Variants in BMPR1A observed in about 807,000 individuals in gnomAD.
BMPR1A encodes bone morphogenetic protein receptor type 1A, also known as bone morphogenetic protein receptor type-1A.
BMPR1A carries 7 observed loss-of-function variants against 66.0 expected under a neutral mutation model. The ratio of observed to expected loss-of-function variants is 0.11; its 90% CI spans 0.06 to 0.20. BMPR1A has a LOEUF of 0.20. Among genes scored for constraint, BMPR1A ranks in the 10% least tolerant of loss-of-function variants. The pLI, the probability that BMPR1A is intolerant of heterozygous loss-of-function variation, is 1.00. For synonymous variants in BMPR1A, 200 were observed against 229.7 expected (o/e 0.87, Z 1.17); for missense variants, 408 against 669.1 (o/e 0.61, Z 4.31).
In BMPR1A at chr10:86,847,554, A is replaced by T. The variant is rs975754868; in HGVS notation, c.-153+8575A>T. ...TAAAATGATCTTTTTTTTATTTTTA[A>T]AAGATTATATATTGGCCAGGCACGG... On this transcript the variant is annotated intron_variant, in intron 2 of 12. Coordinates refer to ENST00000372037, the MANE Select transcript of BMPR1A (RefSeq NM_004329.3). Among the ~76,000 whole-genome samples, 8 of 151,374 alleles carry T rather than the reference A, an allele frequency of 5.3e-5. No individual in the cohort carries two copies. The East Asian group carries it at 1.6e-3, about 30-fold the overall frequency.
intron 1 of BMPR1A, among the ~76,000 whole-genome samples, chr10:86,781,102 C>T (rs943557337): frequency 2.0e-5 from 3 of 152,140 alleles, no homozygotes; most frequent in African/African-American, 7.2e-5. Flanking sequence ...GATCCGCCCG[C>T]CTTGGCCTCG....
At chr10:86,791,247 CTG>C (rs1412192687) in intron 1 of BMPR1A, among the ~76,000 whole-genome samples, 1 of 150,128 alleles carries the variant, frequency 6.7e-6, no homozygotes, top group Non-Finnish European at 1.5e-5. Flanking sequence ...AAGTCTCGCT[CTG>C]TTTCCCAGGC....
chr10:86,768,852 GATA>G (rs1841206753), intron 1 of BMPR1A, among the ~76,000 whole-genome samples: 1 of 152,168 alleles, frequency 6.6e-6, no homozygotes, highest in Non-Finnish European at 1.5e-5. Context: ...GTGAAACAAG[GATA>G]ATAATGGTCC....
Position 86,921,675 on chromosome 10 carries a change from C to T in BMPR1A, c.1322C>T (p.Ala441Val), listed in dbSNP as rs1564725059. 2 of 1,614,216 alleles carry T rather than the reference C, an allele frequency of 1.2e-6. No individual in the cohort carries two copies. Among genetic ancestry groups the T allele is most frequent in the Non-Finnish European group, 1.7e-6 (2 of 1,180,038 alleles). ...YSFGLIIWEM[A>V]RRCITGGIVE... is the part of the protein sequence containing the mutation. ...TTCGGCCTAATCATTTGGGAGATGG[C>T]TCGTCGTTGTATCACAGGAGGTGGG... Residue 441 changes from alanine to valine, a missense_variant, in exon 11 of 13, where the codon GCT becomes GTT. Around this residue, in one of 5 missense-constraint regions of BMPR1A, gnomAD observed 130 missense variants for 257.3 expected, o/e 0.51. Transcript: ENST00000372037.
chr10:86,760,244 C>CCTTTT (rs1841026307), intron 1 of BMPR1A, among the ~76,000 whole-genome samples: 3 of 27,826 alleles, frequency 1.1e-4, no homozygotes, highest in Admixed American at 6.0e-4. Flanking sequence ...TTCTTTCTTT[C>CCTTTT]TTTCTTTTTT....
rs1207454158 is a variant in BMPR1A at position 86,767,024 on chromosome 10, A to G, written c.-268+10105A>G. ...TTTTTAGTAGAGACAGGGTTTCACC[A>G]TGTTGGTCAGGATGGTCTTGATCTC... On this transcript the variant is annotated intron_variant, in intron 1 of 12. Coordinates refer to ENST00000372037, the MANE Select transcript of BMPR1A (RefSeq NM_004329.3). Among the ~76,000 whole-genome samples the G allele has an allele frequency of 3.9e-5, 6 of 152,002 alleles. No individual in the cohort carries two copies. In the South Asian group the frequency reaches 6.2e-4, roughly 16 times the overall value.
At chr10:86,793,232 T>C (rs1451122875) in intron 1 of BMPR1A, among the ~76,000 whole-genome samples, 1 of 152,016 alleles carries the variant, frequency 6.6e-6, no homozygotes, top group Non-Finnish European at 1.5e-5. Flanking sequence ...GAAGAAGAAT[T>C]AAAAAGTATA....
chr10:86,844,018 T>C (rs1219347104), intron 2 of BMPR1A, among the ~76,000 whole-genome samples: 1 of 152,218 alleles, frequency 6.6e-6, no homozygotes, highest in African/African-American at 2.4e-5. Flanking sequence ...TGATGCCGCC[T>C]GAATTTTGAG....
chr10:86,844,662 T>TTTA (rs1362777576), intron 2 of BMPR1A, among the ~76,000 whole-genome samples: 1 of 152,370 alleles, frequency 6.6e-6, no homozygotes, highest in East Asian at 1.9e-4. Context: ...TCACTAATTG[T>TTTA]TTTATAATTA....
chr10:86,875,393 A>G (rs1180566824), intron 2 of BMPR1A, among the ~76,000 whole-genome samples: 2 of 152,116 alleles, frequency 1.3e-5, no homozygotes, highest in Non-Finnish European at 2.9e-5. Flanking sequence ...AAATAAAATG[A>G]ATTAATATGT....
At chr10:86,844,810 C>CT (rs1381974681) in intron 2 of BMPR1A, among the ~76,000 whole-genome samples, 1 of 152,088 alleles carries the variant, frequency 6.6e-6, no homozygotes, top group Non-Finnish European at 1.5e-5. Context: ...GAGTTTCACT[C>CT]TTGTTGCCCA....
intron 2 of BMPR1A, among the ~76,000 whole-genome samples, chr10:86,871,871 T>A (rs10749542): frequency 0.4 from 61,385 of 151,862 alleles, 15,007 homozygotes; most frequent in East Asian, 0.7. Flanking sequence ...ACAAAGATGC[T>A]CTCAAACTTT....
At chr10:86,771,074 A>G (rs904458218) in intron 1 of BMPR1A, among the ~76,000 whole-genome samples, 1 of 152,172 alleles carries the variant, frequency 6.6e-6, no homozygotes, top group Non-Finnish European at 1.5e-5. Context: ...TCTCAATACT[A>G]TTTTAGCATT....
intron 2 of BMPR1A, among the ~76,000 whole-genome samples, chr10:86,861,197 C>T (rs568697194): frequency 7.2e-5 from 11 of 152,202 alleles, no homozygotes; most frequent in African/African-American, 2.4e-4. Context: ...GATGTTGTAA[C>T]GCAGAATAAA....
At chr10:86,801,592 T>G (rs561377353) in intron 1 of BMPR1A, among the ~76,000 whole-genome samples, 1 of 152,320 alleles carries the variant, frequency 6.6e-6, no homozygotes, top group African/African-American at 2.4e-5. Context: ...AGAGACTTGG[T>G]AAGAAAACTC....
intron 7 of BMPR1A, among the ~76,000 whole-genome samples, chr10:86,911,885 G>A (rs1843494005): frequency 6.6e-6 from 1 of 152,186 alleles, no homozygotes. Flanking sequence ...TATCTATCAA[G>A]TTGGCAAAAG....
rs772163112 is a variant in BMPR1A, at chr10:86,899,875, C to T, written c.415C>T (p.Pro139Ser). Residue 139 changes from proline to serine, a missense_variant, in exon 6 of 13, where the codon CCC becomes TCC. Transcript: ENST00000372037. The stretch of plus-strand genomic sequence containing the variant: ...TAACCAGTATTTGCAACCCACACTG[C>T]CCCCTGTTGTCATAGGTAGGTTAGC... ...LCNQYLQPTL[P>S]PVVIGPFFDG... is the part of the protein sequence containing the mutation. The T allele has an allele frequency of 3.1e-6, 5 of 1,614,070 alleles. No individual in the cohort carries two copies. The highest frequency in any genetic ancestry group is 1.3e-5 in the African/African-American group (1 of 75,050).
intron 1 of BMPR1A, among the ~76,000 whole-genome samples, chr10:86,831,805 C>CT (rs34291389): frequency 6.6e-6 from 1 of 152,102 alleles, no homozygotes; most frequent in African/African-American, 2.4e-5. Context: ...GTACAAGTGT[C>CT]TTTTTTGGTG....
intron 1 of BMPR1A, among the ~76,000 whole-genome samples, chr10:86,778,228 T>G (rs1432585984): frequency 6.6e-6 from 1 of 151,688 alleles, no homozygotes; most frequent in African/African-American, 2.4e-5. Context: ...AGATTTTTTT[T>G]GCAATTTTTT....
Sources: allele counts gnomAD v4.1 joint callset (sites outside exome capture counted in the v4.1 genomes callset), GRCh38; gene constraint gnomAD v4.1.1; regional missense constraint gnomAD v4.1.1; transcripts MANE v1.5; gene names NCBI Gene and HGNC (gene_info 2026-07-23, HGNC 2026-07-21).